The following TFB1M variants were observed in gnomAD, a reference collection of about 807,000 sequenced individuals.
The protein encoded by TFB1M is transcription factor B1, mitochondrial.
A neutral mutation model predicts 31.1 loss-of-function variants in TFB1M; 27 were observed. The observed-to-expected ratio is 0.87, with a 90% confidence interval of 0.64 to 1.20. The LOEUF is 1.20. Among genes scored for constraint, TFB1M ranks in the 50% most tolerant of loss-of-function variants. The pLI is 0.00. For missense variants in TFB1M, 394 were observed against 418.7 expected (o/e 0.94, Z 0.51); for synonymous variants, 166 against 151.8 (o/e 1.09, Z -0.69).
intron 2 of TFB1M, among the ~76,000 whole-genome samples, chr6:155,300,230 T>C (rs1777363954): frequency 6.6e-6 from 1 of 152,196 alleles, no homozygotes; most frequent in Non-Finnish European, 1.5e-5. Context: ...CCTCTATTGG[T>C]AAGAGGCTAA....
At chr6:155,298,273 T>A (rs1777267009) in intron 3 of TFB1M, among the ~76,000 whole-genome samples, 1 of 152,150 alleles carries the variant, frequency 6.6e-6, no homozygotes, top group Admixed American at 6.5e-5. Flanking sequence ...ATGAGACAAA[T>A]GAATTAGAAC....
intron 6 of TFB1M, among the ~76,000 whole-genome samples, chr6:155,259,075 G>A (rs954291768): frequency 7.9e-5 from 12 of 152,118 alleles, no homozygotes; most frequent in African/African-American, 2.9e-4. Context: ...GCCAGCTCTA[G>A]GCTCAGACCA....
chr6:155,286,565 A>G (rs946337109), intron 4 of TFB1M, among the ~76,000 whole-genome samples: 5 of 146,456 alleles, frequency 3.4e-5, no homozygotes, highest in African/African-American at 1.0e-4. Context: ...ATATATATGT[A>G]TATATATACA....
intron 4 of TFB1M, among the ~76,000 whole-genome samples, chr6:155,296,395 G>A (rs1331327921): frequency 2.0e-5 from 3 of 150,382 alleles, no homozygotes; most frequent in Non-Finnish European, 4.4e-5. Flanking sequence ...GAGTAGCTGG[G>A]ATTACAGGCA....
At chr6:155,273,108 G>A (rs749167309) in intron 5 of TFB1M, among the ~76,000 whole-genome samples, 2 of 152,204 alleles carry the variant, frequency 1.3e-5, no homozygotes, top group Non-Finnish European at 2.9e-5. Context: ...GCTGGAGTCC[G>A]AAATGCTAAA....
chr6:155,290,253 G>C (rs1776850540), intron 4 of TFB1M, among the ~76,000 whole-genome samples: 1 of 152,072 alleles, frequency 6.6e-6, no homozygotes, highest in South Asian at 2.1e-4. Context: ...AGGCGTGGTG[G>C]TGGGCGCCTG....
intron 2 of TFB1M, among the ~76,000 whole-genome samples, chr6:155,301,649 T>C (rs1291347094): frequency 6.6e-6 from 1 of 152,222 alleles, no homozygotes; most frequent in African/African-American, 2.4e-5. Flanking sequence ...ATTTTTATTT[T>C]AGTGTTCAAT....
chr6:155,230,606 A>AT, the TFB1M span, among the ~76,000 whole-genome samples: 1 of 152,036 alleles, frequency 6.6e-6, no homozygotes, highest in Non-Finnish European at 1.5e-5. Context: ...GCCTCAAATA[A>AT]TTTTTTTTAA....
At chr6:155,286,029 A>G (rs1314940207) in intron 4 of TFB1M, among the ~76,000 whole-genome samples, 1 of 152,280 alleles carries the variant, frequency 6.6e-6, no homozygotes, top group African/African-American at 2.4e-5. Flanking sequence ...TCACCCTACC[A>G]GACATCAAAT....
intron 3 of TFB1M, among the ~76,000 whole-genome samples, chr6:155,298,114 A>G (rs1777259913): frequency 6.6e-6 from 1 of 152,256 alleles, no homozygotes; most frequent in African/African-American, 2.4e-5. Context: ...AGAAAAAGTT[A>G]AAACAATGGC....
At chr6:155,275,650 G>A (rs768846591) in intron 5 of TFB1M, 7 of 1,441,338 alleles carry the variant, frequency 4.9e-6, no homozygotes. Flanking sequence ...CACAGAAATA[G>A]ATAGAATTCT....
chr6:155,294,734 C>T (rs1044221547), intron 4 of TFB1M, among the ~76,000 whole-genome samples: 3 of 152,184 alleles, frequency 2.0e-5, no homozygotes, highest in African/African-American at 7.2e-5. Flanking sequence ...GTGATGATTT[C>T]AGAGATCAAC....
chr6:155,290,315 G>A (rs1329154494), intron 4 of TFB1M, among the ~76,000 whole-genome samples: 2 of 151,360 alleles, frequency 1.3e-5, no homozygotes, highest in Non-Finnish European at 2.9e-5. Flanking sequence ...GAACCCGGGA[G>A]GCGGGGCTTG....
intron 2 of TFB1M, among the ~76,000 whole-genome samples, chr6:155,302,584 C>G (rs1405885373): frequency 1.3e-5 from 2 of 151,978 alleles, no homozygotes; most frequent in Non-Finnish European, 2.9e-5. Context: ...CGTTTTCAGA[C>G]TTTCTCAGTA....
At chr6:155,309,902 C>T (rs1290450021) in intron 2 of TFB1M, among the ~76,000 whole-genome samples, 1 of 152,080 alleles carries the variant, frequency 6.6e-6, no homozygotes, top group Admixed American at 6.6e-5. Context: ...TGCCATGTGA[C>T]TATCTCAACA....
At chr6:155,249,738 G>C in the TFB1M span, 1 of 779,088 alleles carries the variant, frequency 1.3e-6, no homozygotes, top group Admixed American at 2.7e-5. Context: ...GCTCCTGCTA[G>C]TGGGTACTGG....
intron 2 of TFB1M, among the ~76,000 whole-genome samples, chr6:155,309,963 G>C (rs1777947961): frequency 6.6e-6 from 1 of 151,908 alleles, no homozygotes; most frequent in South Asian, 2.1e-4. Flanking sequence ...GGTAAAACTA[G>C]ATAAAAGGAA....
chr6:155,251,454 T>G (rs886242963), downstream of TFB1M, among the ~76,000 whole-genome samples: 4 of 151,920 alleles, frequency 2.6e-5, no homozygotes, highest in African/African-American at 9.7e-5. Flanking sequence ...GCCCGGCTGA[T>G]TTTTGTATTT....
intron 5 of TFB1M, among the ~76,000 whole-genome samples, chr6:155,263,547 C>T (rs747992495): frequency 3.3e-5 from 5 of 152,156 alleles, no homozygotes; most frequent in Non-Finnish European, 5.9e-5. Flanking sequence ...AGGCAGATGT[C>T]CTAGTTTCCA....
Sources: gnomAD v4.1 joint callset for allele counts (sites outside exome capture counted in the v4.1 genomes callset) on GRCh38, gnomAD v4.1.1 for gene constraint, MANE v1.5 for transcripts, NCBI Gene and HGNC (gene_info 2026-07-23, HGNC 2026-07-21) for gene names.